The following ERC2 variants were observed in gnomAD, a reference collection of about 807,000 sequenced individuals.
ERC2 encodes ELKS/RAB6-interacting/CAST family member 2.
In ERC2, 42 loss-of-function variants were observed where a neutral mutation model predicts 114.8. That is an observed-to-expected ratio of 0.37 (90% CI 0.29 to 0.47). The LOEUF (loss-of-function observed/expected upper bound fraction) is 0.47. ERC2 is among the 20% of genes least tolerant of loss of function. The pLI is 0.99. For synonymous variants in ERC2, 454 were observed against 425.5 expected, an observed-to-expected ratio of 1.07 and a Z score of -0.82; for missense variants, 939 against 1,150.7, an observed-to-expected ratio of 0.82 and a Z score of 2.66.
chr3:56,329,921 CAATATACATATATATTTCA>C lies in ERC2; in HGVS notation c.658-33505_658-33487del, dbSNP rs574125756. On this transcript the variant is annotated intron_variant, in intron 2 of 17. Transcript: ENST00000288221. ...TATATTTCAAATATTCATGTGTTTC[CAATATACATATATATTTCA>C]AATATACATATATATTTCCAATACA... Among the ~76,000 whole-genome samples the C allele has an allele frequency of 3.4e-3, 502 of 146,640 alleles. 2 individuals carry two copies. Among genetic ancestry groups the C allele is most frequent in the African/African-American group, 0.012 (470 of 40,348 alleles).
chr3:55,749,309 T>C (rs750002679), intron 14 of ERC2, among the ~76,000 whole-genome samples: 3 of 152,190 alleles, frequency 2.0e-5, no homozygotes, highest in Non-Finnish European at 4.4e-5. Context: ...TGGACAACCT[T>C]GAGGCTTCCC....
chr3:56,192,925 C>T (rs1156710475), intron 3 of ERC2, among the ~76,000 whole-genome samples: 1 of 152,146 alleles, frequency 6.6e-6, no homozygotes, highest in African/African-American at 2.4e-5. Flanking sequence ...CTAAGTAGTA[C>T]CACTAAGGCC....
chr3:55,550,333 G>A (rs763797053), intron 17 of ERC2, among the ~76,000 whole-genome samples: 2 of 152,140 alleles, frequency 1.3e-5, no homozygotes, highest in Non-Finnish European at 2.9e-5. Context: ...GTTTGGGTGT[G>A]TGATTATCTC....
chr3:55,889,621 C>T (rs748917678), intron 13 of ERC2, among the ~76,000 whole-genome samples: 2 of 152,042 alleles, frequency 1.3e-5, no homozygotes, highest in Admixed American at 6.6e-5. Flanking sequence ...CAAAGACTTC[C>T]GTGGAGCAAG....
chr3:56,462,433 C>T (rs545558341), intron 1 of ERC2, among the ~76,000 whole-genome samples: 120 of 152,310 alleles, frequency 7.9e-4, no homozygotes, highest in African/African-American at 2.8e-3. Context: ...TGCACTCAAG[C>T]CTCAGTGGTC....
chr3:55,540,825 T>C (rs2054345887), intron 17 of ERC2, among the ~76,000 whole-genome samples: 1 of 152,200 alleles, frequency 6.6e-6, no homozygotes, highest in South Asian at 2.1e-4. Flanking sequence ...ACAGACCAAA[T>C]GCTTATGCAA....
intron 1 of ERC2, among the ~76,000 whole-genome samples, chr3:56,456,061 T>C (rs930723101): frequency 5.3e-5 from 8 of 152,332 alleles, no homozygotes; most frequent in African/African-American, 1.9e-4. Flanking sequence ...GTAAATTTTA[T>C]GCGTATCCCT....
At chr3:55,583,399 T>TTCCTTCCTTCCTTCC in intron 17 of ERC2, among the ~76,000 whole-genome samples, 1 of 87,074 alleles carries the variant, frequency 1.1e-5, no homozygotes, top group South Asian at 4.6e-4. Flanking sequence ...TCCTTCCTTC[T>TTCCTTCCTTCCTTCC]TTCCTTCCTT....
chr3:55,704,797 A>G (rs2148837710), intron 15 of ERC2, among the ~76,000 whole-genome samples: 2 of 152,362 alleles, frequency 1.3e-5, no homozygotes, highest in Middle Eastern at 6.8e-3. Flanking sequence ...AATGATGTAA[A>G]GGCTTCTACT....
chr3:55,905,269 T>C (rs2064362645), intron 13 of ERC2, among the ~76,000 whole-genome samples: 1 of 152,156 alleles, frequency 6.6e-6, no homozygotes, highest in Admixed American at 6.5e-5. Context: ...TTAGTAGAGA[T>C]GGGGTTTCAC....
At chr3:56,153,344 T>C (rs1264063765) in intron 4 of ERC2, among the ~76,000 whole-genome samples, 1 of 152,104 alleles carries the variant, frequency 6.6e-6, no homozygotes, top group African/African-American at 2.4e-5. Context: ...ACCTGGGAGC[T>C]TTTTCCACTT....
chr3:56,261,925 C>T (rs559590424), intron 3 of ERC2, among the ~76,000 whole-genome samples: 11 of 152,256 alleles, frequency 7.2e-5, no homozygotes, highest in Non-Finnish European at 1.5e-4. Flanking sequence ...CATGTGTTCT[C>T]ATCATTTAGT....
intron 3 of ERC2, among the ~76,000 whole-genome samples, chr3:56,236,557 G>A (rs1037390908): frequency 6.6e-6 from 1 of 152,130 alleles, no homozygotes; most frequent in South Asian, 2.1e-4. Context: ...ACAGAAAACG[G>A]TGTGCTTTGA....
At chr3:56,269,854 G>A (rs2053545113) in intron 3 of ERC2, among the ~76,000 whole-genome samples, 1 of 152,280 alleles carries the variant, frequency 6.6e-6, no homozygotes, top group East Asian at 1.9e-4. Context: ...AGTTTTGAAA[G>A]TGTTGACACT....
chr3:56,079,485 G>A (rs2077127422), intron 7 of ERC2, among the ~76,000 whole-genome samples: 1 of 152,172 alleles, frequency 6.6e-6, no homozygotes, highest in African/African-American at 2.4e-5. Context: ...TGTAGTCTGA[G>A]CAAAGGGGAA....
At chr3:56,023,547 G>C (rs1368042616) in intron 7 of ERC2, among the ~76,000 whole-genome samples, 3 of 151,960 alleles carry the variant, frequency 2.0e-5, no homozygotes, top group Non-Finnish European at 4.4e-5. Flanking sequence ...CACACTCCTT[G>C]CCTCCTTCAG....
intron 6 of ERC2, among the ~76,000 whole-genome samples, chr3:56,113,817 G>A (rs1270935627): frequency 6.6e-6 from 1 of 152,150 alleles, no homozygotes; most frequent in Non-Finnish European, 1.5e-5. Flanking sequence ...TTATAAATCA[G>A]GGGTTCCCGT....
intron 2 of ERC2, among the ~76,000 whole-genome samples, chr3:56,355,303 C>A (rs944764479): frequency 6.8e-6 from 1 of 148,038 alleles, no homozygotes; most frequent in Non-Finnish European, 1.5e-5. Context: ...TTCTTGTTTT[C>A]TTTTTCTTTT....
chr3:56,060,948 T>C (rs1009218990), intron 7 of ERC2, among the ~76,000 whole-genome samples: 2 of 152,190 alleles, frequency 1.3e-5, no homozygotes, highest in Admixed American at 1.3e-4. Flanking sequence ...ACGATAAAGA[T>C]GGCCTGGCAT....
Sources: allele counts gnomAD v4.1 joint callset (sites outside exome capture counted in the v4.1 genomes callset), GRCh38; gene constraint gnomAD v4.1.1; transcripts MANE v1.5; gene names NCBI Gene and HGNC (gene_info 2026-07-23, HGNC 2026-07-21).